The following ATRNL1 variants were observed in gnomAD, a reference collection of about 807,000 sequenced individuals.
The protein encoded by ATRNL1 is attractin-like protein 1.
Under a neutral mutation model 182.7 loss-of-function variants are expected in ATRNL1, and 95 were observed. The observed-to-expected ratio is 0.52, with a 90% CI of 0.44 to 0.62. The LOEUF is 0.62. Among genes scored for constraint, ATRNL1 ranks in the 20% least tolerant of loss-of-function variants. The probability of loss-of-function intolerance (pLI) is 0.00; values close to 1 mark genes in which losing one functional copy is unlikely to be tolerated. For synonymous variants in ATRNL1, 576 were observed against 568.3 expected (o/e 1.01, Z -0.19); for missense variants, 1,471 against 1,679.5 (o/e 0.88, Z 2.17).
At chr10:115,323,252 C>T (rs115349696) in intron 18 of ATRNL1, among the ~76,000 whole-genome samples, 182 of 152,042 alleles carry the variant, frequency 1.2e-3, no homozygotes, top group African/African-American at 4.1e-3. Flanking sequence ...ATTTTTCTAC[C>T]AGTTCAGATC....
chr10:115,548,171 A>G (rs1554994388), intron 25 of ATRNL1, among the ~76,000 whole-genome samples: 2 of 152,232 alleles, frequency 1.3e-5, no homozygotes, highest in African/African-American at 4.8e-5. Context: ...CTTTTCTCAA[A>G]TAAGAATAGT....
At chr10:115,342,497 CATCT>C (rs1554938685) in intron 19 of ATRNL1, among the ~76,000 whole-genome samples, 1 of 151,946 alleles carries the variant, frequency 6.6e-6, no homozygotes, top group Non-Finnish European at 1.5e-5. Flanking sequence ...TAACCTCATC[CATCT>C]GCTTTTTAAC....
At chr10:115,870,536 C>G (rs1951555592) in intron 28 of ATRNL1, among the ~76,000 whole-genome samples, 1 of 152,232 alleles carries the variant, frequency 6.6e-6, no homozygotes, top group Admixed American at 6.5e-5. Flanking sequence ...GACCCAACTG[C>G]TCCTGAAGGA....
intron 26 of ATRNL1, among the ~76,000 whole-genome samples, chr10:115,670,228 T>G (rs1945652306): frequency 1.3e-5 from 2 of 152,108 alleles, no homozygotes; most frequent in South Asian, 4.1e-4. Flanking sequence ...TGGTGAGGAT[T>G]AAGAGTTAAT....
chr10:115,344,204 C>T lies in ATRNL1; in HGVS notation c.3175+9785C>T, dbSNP rs549030375. The stretch of plus-strand genomic sequence containing the variant: ...TGGCAAAGCCAGCTAGGCCTGTGTT[C>T]TTCCCTTCTGGATGACGAGTTCCCT... On this transcript the variant is annotated intron_variant, in intron 19 of 28. Transcript: ENST00000355044. Among the ~76,000 whole-genome samples, 4 of 152,282 alleles carry T rather than the reference C, an allele frequency of 2.6e-5. No individual in the cohort carries two copies. The South Asian group carries it at 8.3e-4, about 32-fold the overall frequency.
At chr10:115,456,208 C>T (rs1205971016) in intron 21 of ATRNL1, among the ~76,000 whole-genome samples, 1 of 152,250 alleles carries the variant, frequency 6.6e-6, no homozygotes, top group African/African-American at 2.4e-5. Flanking sequence ...CAGCATTATT[C>T]ACAATAGCAA....
At chr10:115,878,086 C>T (rs1951739386) in intron 28 of ATRNL1, among the ~76,000 whole-genome samples, 1 of 152,322 alleles carries the variant, frequency 6.6e-6, no homozygotes, top group East Asian at 1.9e-4. Flanking sequence ...GCCCTCTCAG[C>T]GCTCCTCTGT....
At chr10:115,659,968 T>G (rs1172381826) in intron 26 of ATRNL1, among the ~76,000 whole-genome samples, 6 of 152,178 alleles carry the variant, frequency 3.9e-5, no homozygotes, top group Non-Finnish European at 5.9e-5. Flanking sequence ...TAAACTGTGC[T>G]AAGAAGTTTA....
At chr10:115,356,845 T>G (rs1554942981) in intron 19 of ATRNL1, among the ~76,000 whole-genome samples, 2 of 151,988 alleles carry the variant, frequency 1.3e-5, no homozygotes, top group African/African-American at 4.8e-5. Flanking sequence ...GTTTACAAGT[T>G]TTTGACAATG....
chr10:115,160,672 T>A (rs1454352056), intron 6 of ATRNL1, among the ~76,000 whole-genome samples: 1 of 151,924 alleles, frequency 6.6e-6, no homozygotes, highest in African/African-American at 2.4e-5. Flanking sequence ...GAGAGATGAT[T>A]GATTTACTGT....
chr10:115,670,008 A>T (rs979296849), intron 26 of ATRNL1, among the ~76,000 whole-genome samples: 3 of 152,050 alleles, frequency 2.0e-5, no homozygotes, highest in African/African-American at 7.2e-5. Context: ...CATTTGATAG[A>T]TGTAAAAAAT....
At chr10:115,874,769 C>A (rs1020974300) in intron 28 of ATRNL1, among the ~76,000 whole-genome samples, 2 of 152,128 alleles carry the variant, frequency 1.3e-5, no homozygotes, top group African/African-American at 4.8e-5. Context: ...GCAAAGGAGA[C>A]TCAGAAATCA....
At chr10:115,912,431 T>C (rs1319688304) in intron 28 of ATRNL1, among the ~76,000 whole-genome samples, 1 of 151,918 alleles carries the variant, frequency 6.6e-6, no homozygotes, top group Non-Finnish European at 1.5e-5. Context: ...TGTGTGTGTG[T>C]GTGTGTGTGC....
At chr10:115,633,190 C>T (rs1416023949) in intron 26 of ATRNL1, among the ~76,000 whole-genome samples, 1 of 152,114 alleles carries the variant, frequency 6.6e-6, no homozygotes, top group Non-Finnish European at 1.5e-5. Context: ...GGATTACAGG[C>T]GTGAGCCACT....
chr10:115,745,565 C>T (rs1203685785), intron 27 of ATRNL1, among the ~76,000 whole-genome samples: 1 of 152,124 alleles, frequency 6.6e-6, no homozygotes, highest in African/African-American at 2.4e-5. Context: ...TATGCCATTT[C>T]GTATTTCTCC....
Position 115,638,830 on chromosome 10 carries a change from T to C in ATRNL1, c.3796-88418T>C, listed in dbSNP as rs373429310. Among the ~76,000 whole-genome samples, 6 of 152,200 alleles carry C rather than the reference T, an allele frequency of 3.9e-5. No homozygotes were observed. In the East Asian group the frequency reaches 1.2e-3, roughly 29 times the overall value. On this transcript the variant is annotated intron_variant, in intron 26 of 28. Transcript: ENST00000355044. ...ATGACAGAGAATTGAATCACTGAAA[T>C]TGCGGATAAAACAATAGTATTCACT... is the stretch of plus-strand genomic sequence containing the variant.
In ATRNL1 at chr10:115,315,657, G is replaced by A. The variant is rs1431292112; in HGVS notation, c.2958G>A (p.Met986Ile). ...GGGGACCAATGAAGCTTATTGGAAT[G>A]CACCACAGTGAGATGGTTCTTGACA... The part of the protein sequence containing the change: ...SSRGPMKLIG[M>I]HHSEMVLDTN... The change falls in exon 18 of 29, where the codon ATG becomes ATA. Residue 986 changes from methionine to isoleucine, a missense_variant. Coordinates refer to ENST00000355044, the MANE Select transcript of ATRNL1 (RefSeq NM_207303.4). 1.2e-6 allele frequency: 2 copies of A among 1,613,848 alleles called. No individual in the cohort carries two copies. Among genetic ancestry groups the A allele is most frequent in the Non-Finnish European group, 1.7e-6 (2 of 1,179,932 alleles).
At chr10:115,173,095 A>G (rs1032478869) in intron 8 of ATRNL1, among the ~76,000 whole-genome samples, 1 of 151,952 alleles carries the variant, frequency 6.6e-6, no homozygotes, top group Non-Finnish European at 1.5e-5. Flanking sequence ...GAGAATGGCT[A>G]TTGATGAGAA....
chr10:115,514,500 T>C (rs782530375), intron 24 of ATRNL1, among the ~76,000 whole-genome samples: 1 of 151,892 alleles, frequency 6.6e-6, no homozygotes. Flanking sequence ...TAGAGATGTT[T>C]CATGTGTGCC....
Sources: allele counts gnomAD v4.1 joint callset (sites outside exome capture counted in the v4.1 genomes callset), GRCh38; gene constraint gnomAD v4.1.1; transcripts MANE v1.5; gene names NCBI Gene and HGNC (gene_info 2026-07-23, HGNC 2026-07-21).